Variants in DNAH12 observed in about 807,000 individuals in gnomAD.
The protein encoded by DNAH12 is dynein axonemal heavy chain 12, also known as axonemal beta dynein heavy chain 12.
DNAH12 carries 285 observed loss-of-function variants against 371.5 expected under a neutral mutation model. That is an observed-to-expected ratio of 0.77 (90% CI 0.70 to 0.85). The LOEUF is 0.85. Ranked by LOEUF, DNAH12 falls within the 40% of genes least tolerant of loss-of-function variation. The pLI, the probability that DNAH12 is intolerant of heterozygous loss-of-function variation, is 0.00. For synonymous variants in DNAH12, 1,200 were observed against 1,213.0 expected (o/e 0.99, Z 0.22); for missense variants, 3,611 against 3,689.4 (o/e 0.98, Z 0.55).
chr3:57,348,236 G>C (rs1307014017), intron 60 of DNAH12, among the ~76,000 whole-genome samples: 2 of 152,102 alleles, frequency 1.3e-5, no homozygotes, highest in South Asian at 4.1e-4. Context: ...TTACTACTAA[G>C]AGAAAAAATC....
At chr3:57,511,037 C>A (rs1175538641) in intron 4 of DNAH12, 58 bp from the exon 5 acceptor site, 3 of 1,250,604 alleles carry the variant, frequency 2.4e-6, no homozygotes, top group South Asian at 1.7e-5. Flanking sequence ...CAGTGTAACT[C>A]CTGAACTCTC....
At chr3:57,515,303 A>T (rs1033506703) in intron 4 of DNAH12, among the ~76,000 whole-genome samples, 3 of 152,182 alleles carry the variant, frequency 2.0e-5, no homozygotes, top group African/African-American at 7.2e-5. Context: ...GGGCTAGAAT[A>T]GAAAAAGTAT....
At chr3:57,358,413 CAG>C (rs1198264480) in intron 58 of DNAH12, among the ~76,000 whole-genome samples, 2 of 133,942 alleles carry the variant, frequency 1.5e-5, no homozygotes, top group Non-Finnish European at 3.3e-5. Context: ...GAGGAAGAGA[CAG>C]AGAGTACAGA....
intron 13 of DNAH12, among the ~76,000 whole-genome samples, chr3:57,482,011 G>A (rs572519721): frequency 1.3e-5 from 2 of 152,158 alleles, no homozygotes; most frequent in Non-Finnish European, 2.9e-5. Flanking sequence ...ATAGGCATGG[G>A]CAAGGACTTC....
At chr3:57,341,058 A>G (rs1440803011) in intron 60 of DNAH12, among the ~76,000 whole-genome samples, 2 of 152,220 alleles carry the variant, frequency 1.3e-5, no homozygotes, top group Admixed American at 6.5e-5. Flanking sequence ...ATAGATCCAG[A>G]AAAAGCGTTT....
At chr3:57,417,777 G>A (rs979688629) in intron 37 of DNAH12, among the ~76,000 whole-genome samples, 1 of 152,012 alleles carries the variant, frequency 6.6e-6, no homozygotes, top group African/African-American at 2.4e-5. Context: ...GTTATTTAAT[G>A]TGTTAATAAA....
At chr3:57,406,510 G>A (rs2064034194) in intron 40 of DNAH12, among the ~76,000 whole-genome samples, 1 of 152,114 alleles carries the variant, frequency 6.6e-6, no homozygotes, top group African/African-American at 2.4e-5. Context: ...TCCAAGCCCA[G>A]CCCATCCAAG....
chr3:57,489,742 T>C, intron 11 of DNAH12, 55 bp from the exon 12 acceptor site: 1 of 1,402,510 alleles, frequency 7.1e-7, no homozygotes, highest in South Asian at 1.4e-5. Flanking sequence ...TCAGTGATTT[T>C]ATAATATTGT....
intron 60 of DNAH12, among the ~76,000 whole-genome samples, chr3:57,339,613 A>G (rs1206673807): frequency 6.6e-6 from 1 of 152,168 alleles, no homozygotes; most frequent in Non-Finnish European, 1.5e-5. Flanking sequence ...AACACAAATC[A>G]TAAAACTTTG....
At chr3:57,546,402 T>A (rs998373532), upstream of DNAH12, among the ~76,000 whole-genome samples, 3 of 152,196 alleles carry the variant, frequency 2.0e-5, no homozygotes, top group Admixed American at 6.5e-5. Flanking sequence ...TTGCTGAGAC[T>A]ACAGCAATAG....
intron 38 of DNAH12, 123 bp downstream of exon 38, chr3:57,415,300 CCCA>C (rs1441396562): frequency 8.6e-6 from 11 of 1,286,102 alleles, no homozygotes; most frequent in Admixed American, 3.4e-5. Context: ...CTTGTAACTC[CCCA>C]AACATTTGAA....
At chr3:57,426,885 A>G (rs1050811150) in intron 34 of DNAH12, among the ~76,000 whole-genome samples, 2 of 151,604 alleles carry the variant, frequency 1.3e-5, no homozygotes, top group African/African-American at 2.4e-5. Flanking sequence ...TGAGAAGAAA[A>G]TCCATTACTC....
In DNAH12 at chr3:57,489,251, T is replaced by C. The variant is rs575542396; in HGVS notation, c.1514+258A>G. 2.0e-5 allele frequency among the ~76,000 whole-genome samples: 3 copies of C among 152,336 alleles called. No individual in the cohort carries two copies. In the South Asian group the frequency reaches 6.2e-4, roughly 32 times the overall value. ...AGTCTACAATCTTATCATTATCATG[T>C]AACCTGTACCTGAATCTGGTTTATT... On this transcript the variant is annotated intron_variant, in intron 12 of 73. Coordinates refer to ENST00000495027, the MANE Select transcript of DNAH12 (RefSeq NM_001366028.2).
At position 57,471,354 on chromosome 3, in the gene DNAH12, T is replaced by G. The variant is rs950962500; in HGVS notation, c.1911+118A>C. 190 of 880,128 alleles carry G rather than the reference T, an allele frequency of 2.2e-4. No homozygotes were observed. In the African/African-American group the frequency reaches 3.1e-3, roughly 14 times the overall value. The allele number at this position is 880,128 out of a possible 1,614,324, so 54.5% of individuals were successfully genotyped here. ...TGTATATATGTAATATATAGAAAAA[T>G]ATAGAGTAAACATAAAAAAATAGTA... On this transcript the variant is annotated intron_variant, in intron 15 of 73. Transcript: ENST00000495027.
intron 67 of DNAH12, 51 bp from the exon 68 acceptor site, chr3:57,309,905 G>T (rs993873741): frequency 1.3e-6 from 2 of 1,490,742 alleles, no homozygotes; most frequent in South Asian, 1.3e-5. Flanking sequence ...GATACTGAAA[G>T]GGATGATCAG....
At chr3:57,383,788 GAA>G (rs1201922176) in intron 49 of DNAH12, among the ~76,000 whole-genome samples, 2 of 148,284 alleles carry the variant, frequency 1.3e-5, no homozygotes, top group Non-Finnish European at 3.0e-5. Flanking sequence ...GAAAAGAAAA[GAA>G]AAAAAGTACT....
In DNAH12 at chr3:57,425,353, T is replaced by A. The variant is rs1250146579; in HGVS notation, c.5254-212A>T. Among the ~76,000 whole-genome samples, 7 of 152,050 alleles carry A rather than the reference T, an allele frequency of 4.6e-5. No individual in the cohort carries two copies. The East Asian group carries it at 1.4e-3, about 29-fold the overall frequency. On this transcript the variant is annotated intron_variant, in intron 34 of 73. Transcript: ENST00000495027. ...GCCTCCAACTCCTGGGCTTAAGGGA[T>A]CCTCCTACCTCAGCCTCTCAAGTAG...
chr3:57,506,771 T>C (rs2067776223), intron 8 of DNAH12, among the ~76,000 whole-genome samples: 1 of 152,076 alleles, frequency 6.6e-6, no homozygotes, highest in African/African-American at 2.4e-5. Flanking sequence ...TGGAGAGCCA[T>C]ATTTCTAGCA....
chr3:57,350,187 C>G (rs902376239), intron 60 of DNAH12, among the ~76,000 whole-genome samples: 6 of 151,908 alleles, frequency 3.9e-5, no homozygotes, highest in Non-Finnish European at 8.8e-5. Flanking sequence ...GTACAGTGTA[C>G]ACTGCTCTGG....
Sources: gnomAD v4.1 joint callset for allele counts (sites outside exome capture counted in the v4.1 genomes callset) on GRCh38, gnomAD v4.1.1 for gene constraint, MANE v1.5 for transcripts, NCBI Gene and HGNC (gene_info 2026-07-23, HGNC 2026-07-21) for gene names.